The following PHLDB2 variants were observed in gnomAD, a reference collection of about 807,000 sequenced individuals.
PHLDB2 encodes the protein pleckstrin homology like domain family B member 2, also known as pleckstrin homology-like domain family B member 2.
A neutral mutation model predicts 123.6 loss-of-function variants in PHLDB2; 71 were observed. The ratio of observed to expected loss-of-function variants is 0.57; its 90% CI spans 0.47 to 0.70. The LOEUF is 0.70. PHLDB2 is among the 30% of genes least tolerant of loss of function. The pLI is 0.00. For synonymous variants in PHLDB2, 547 were observed against 541.6 expected (o/e 1.01, Z -0.14); for missense variants, 1,446 against 1,519.5 (o/e 0.95, Z 0.80).
At chr3:111,829,451 T>C (rs1179401442) in intron 1 of PHLDB2, among the ~76,000 whole-genome samples, 2 of 138,276 alleles carry the variant, frequency 1.4e-5, no homozygotes, top group Non-Finnish European at 3.0e-5. Flanking sequence ...TTTTTCTTTT[T>C]CTTTTTCTTT....
chr3:111,945,384 TA>T (rs753526831), intron 9 of PHLDB2, 27 bp downstream of exon 9: 1 of 1,475,984 alleles, frequency 6.8e-7, no homozygotes, highest in South Asian at 1.2e-5. Context: ...CATGTCGCTT[TA>T]TGTTGCCTTA....
At chr3:111,963,459 G>C (rs1202545217) in intron 13 of PHLDB2, among the ~76,000 whole-genome samples, 1 of 152,154 alleles carries the variant, frequency 6.6e-6, no homozygotes, top group African/African-American at 2.4e-5. Context: ...GAGATTGTAT[G>C]CAGAATTAAC....
chr3:111,910,956 A>G (rs920005183), intron 2 of PHLDB2, among the ~76,000 whole-genome samples: 3 of 152,198 alleles, frequency 2.0e-5, no homozygotes, highest in African/African-American at 7.2e-5. Context: ...TTGGCTGTGA[A>G]TGGGGTGATA....
intron 12 of PHLDB2, among the ~76,000 whole-genome samples, chr3:111,955,015 T>C (rs890896475): frequency 2.0e-5 from 3 of 151,758 alleles, no homozygotes; most frequent in Non-Finnish European, 2.9e-5. Flanking sequence ...ATAACACTGG[T>C]TTTCCATCAG....
At position 111,913,485 on chromosome 3, in the gene PHLDB2, G is replaced by T; in HGVS notation, c.1502G>T (p.Ser501Ile). 1 of 1,614,104 alleles carries T rather than the reference G, an allele frequency of 6.2e-7. No homozygotes were observed. The highest frequency in any genetic ancestry group is 1.3e-5 in the African/African-American group (1 of 75,032). Reference protein sequence around the residue: ...EESVFEEALMSPDTRYRCHRK... With the variant: ...EESVFEEALMIPDTRYRCHRK... The stretch of plus-strand genomic sequence containing the variant: ...TCTGTGTTTGAGGAAGCCCTCATGA[G>T]CCCTGACACAAGATACAGGTGCCAC... The change falls in exon 3 of 18, where the codon AGC (serine) becomes ATC (isoleucine). Residue 501 changes from serine (S) to isoleucine (I), a missense_variant. Physicochemically the swap from Ser to Ile is moderately radical, Grantham distance 142. Transcript: ENST00000431670.
chr3:111,800,817 G>A (rs2061347921), intron 1 of PHLDB2, among the ~76,000 whole-genome samples: 1 of 152,176 alleles, frequency 6.6e-6, no homozygotes. Flanking sequence ...TAATAACACT[G>A]AGGGAGTGTG....
At chr3:111,952,747 C>G in intron 11 of PHLDB2, 35 bp downstream of exon 11, 2 of 1,597,648 alleles carry the variant, frequency 1.3e-6, no homozygotes, top group Non-Finnish European at 1.7e-6. Flanking sequence ...CTTCCCATTC[C>G]ATGAGTCTTC....
chr3:111,974,254 A>G (rs755744035), intron 17 of PHLDB2, among the ~76,000 whole-genome samples, 169 bp from the exon 18 acceptor site: 11 of 152,230 alleles, frequency 7.2e-5, no homozygotes, highest in African/African-American at 1.2e-4. Flanking sequence ...AAAATGGTCA[A>G]TCCTGAAAAA....
rs184432829 is a variant in PHLDB2 at position 111,960,207 on chromosome 3, C to T, written c.2873-1901C>T. 53 of 839,974 alleles carry T rather than the reference C, an allele frequency of 6.3e-5. No homozygotes were observed. In the East Asian group the frequency reaches 2.5e-3, roughly 39 times the overall value. The allele number at this position is 839,974 out of a possible 1,614,324, so 52.0% of individuals were successfully genotyped here. On this transcript the variant is annotated intron_variant, in intron 12 of 17. Transcript: ENST00000431670. Reference sequence around the variant, plus strand: ...TAAATATTTGAGTAATGAATTATTTCGCCTTCCTTAAAAAAAGACGCAGCT... The same window carrying T: ...TAAATATTTGAGTAATGAATTATTTTGCCTTCCTTAAAAAAAGACGCAGCT...
chr3:111,834,057 TATATGTAATAGAATTATATATAC>T (rs1576806832), intron 1 of PHLDB2, among the ~76,000 whole-genome samples: 29 of 119,888 alleles, frequency 2.4e-4, no homozygotes, highest in East Asian at 1.6e-3. Context: ...TTATATATAA[TATATGTAATAGAATTATATATAC>T]TATATATGTA....
intron 1 of PHLDB2, among the ~76,000 whole-genome samples, chr3:111,877,905 T>C (rs2107294098): frequency 6.6e-6 from 1 of 152,288 alleles, no homozygotes; most frequent in Middle Eastern, 3.4e-3. Flanking sequence ...CTGAGGTCTC[T>C]GTTCTGTTCC....
chr3:111,757,054 T>C (rs2059903911), intron 1 of PHLDB2, among the ~76,000 whole-genome samples: 1 of 152,344 alleles, frequency 6.6e-6, no homozygotes, highest in East Asian at 1.9e-4. Flanking sequence ...GTGGGTAACC[T>C]GACCTTTCTC....
intron 1 of PHLDB2, among the ~76,000 whole-genome samples, chr3:111,733,839 C>T (rs1026280571): frequency 2.0e-5 from 3 of 152,182 alleles, no homozygotes; most frequent in South Asian, 2.1e-4. Flanking sequence ...ATACAACTTT[C>T]GGGCCTGTGC....
chr3:111,756,492 A>G (rs1266258989), intron 1 of PHLDB2, among the ~76,000 whole-genome samples: 4 of 151,568 alleles, frequency 2.6e-5, no homozygotes, highest in Admixed American at 2.6e-4. Context: ...TTTGTTTTCC[A>G]TTTGCTTGGT....
chr3:111,939,559 G>C lies in PHLDB2; in HGVS notation c.2215G>C (p.Glu739Gln). The C allele has an allele frequency of 6.2e-7, 1 of 1,614,046 alleles. No homozygotes were observed. Among genetic ancestry groups the C allele is most frequent in the South Asian group, 1.1e-5 (1 of 91,060 alleles). The change falls in exon 7 of 18, where the codon GAA (glutamate) becomes CAA (glutamine). Residue 739 changes from glutamate (E) to glutamine (Q), a missense_variant. Physicochemically the swap from Glu to Gln is conservative, Grantham distance 29 (BLOSUM62 2). This residue lies in a region of PHLDB2 where 594 missense variants were observed against 646.0 expected (regional missense o/e 0.92). Coordinates refer to ENST00000431670, the MANE Select transcript of PHLDB2 (RefSeq NM_001134438.2). ...QLEHESRLDE[E>Q]KENLTQQLLR... ...TGAACATGAGAGCCGTCTAGATGAA[G>C]AAAAGGAGAACTTGACTCAACAGCT... is the stretch of plus-strand genomic sequence containing the variant.
intron 9 of PHLDB2, among the ~76,000 whole-genome samples, chr3:111,946,482 C>T (rs2070320339): frequency 6.6e-6 from 1 of 152,190 alleles, no homozygotes; most frequent in South Asian, 2.1e-4. Flanking sequence ...AAACAAAATG[C>T]TCATCACAAT....
chr3:111,915,814 G>T (rs2068137880), intron 3 of PHLDB2: 3 of 152,212 alleles, frequency 2.0e-5, no homozygotes, highest in African/African-American at 7.2e-5. Context: ...CTGTTTCTGT[G>T]GGCAGAGAGT....
chr3:111,793,784 C>T (rs2061030632), intron 1 of PHLDB2, among the ~76,000 whole-genome samples: 1 of 151,814 alleles, frequency 6.6e-6, no homozygotes, highest in South Asian at 2.1e-4. Flanking sequence ...TCCCTTCTGT[C>T]CCAGGGTTTG....
chr3:111,846,551 C>A (rs2063993863), intron 2 of PHLDB2: 1 of 152,472 alleles, frequency 6.6e-6, no homozygotes, highest in African/African-American at 2.4e-5. Context: ...TTAGTATTTC[C>A]TTCTGACCAG....
Sources: allele counts gnomAD v4.1 joint callset (sites outside exome capture counted in the v4.1 genomes callset), GRCh38; gene constraint gnomAD v4.1.1; regional missense constraint gnomAD v4.1.1; transcripts MANE v1.5; gene names NCBI Gene and HGNC (gene_info 2026-07-23, HGNC 2026-07-21).